Variants in MARK1 observed in about 807,000 individuals in gnomAD.
MARK1 encodes serine/threonine-protein kinase MARK1.
In MARK1, 40 loss-of-function variants were observed where a neutral mutation model predicts 96.3. The ratio of observed to expected loss-of-function variants is 0.42; its 90% CI spans 0.32 to 0.54. The LOEUF (loss-of-function observed/expected upper bound fraction) is 0.54. Among genes scored for constraint, MARK1 ranks in the 20% least tolerant of loss-of-function variants. The probability of loss-of-function intolerance (pLI) is 0.16; values close to 1 mark genes in which losing one functional copy is unlikely to be tolerated. For missense variants in MARK1, 719 were observed against 984.6 expected (o/e 0.73, Z 3.61); for synonymous variants, 317 against 341.2 (o/e 0.93, Z 0.78).
chr1:220,566,586 G>T (rs539796348), intron 1 of MARK1, among the ~76,000 whole-genome samples: 3 of 152,240 alleles, frequency 2.0e-5, no homozygotes, highest in South Asian at 4.1e-4. Context: ...TGCTTGCCAG[G>T]ATCAGTAAAT....
chr1:220,596,489 AAAGTTGT>A (rs1428313471), intron 3 of MARK1, among the ~76,000 whole-genome samples: 1 of 152,192 alleles, frequency 6.6e-6, no homozygotes, highest in African/African-American at 2.4e-5. Flanking sequence ...TTTAATTATT[AAAGTTGT>A]AAGTATCATG....
rs1189111327 is a variant in MARK1, at chr1:220,618,736, T to C, written c.890T>C (p.Ile297Thr). ...LLKKLLVLNPIKRGSLEQIMK... is the reference protein window; with the variant it reads ...LLKKLLVLNPTKRGSLEQIMK... ...AAGAAATTATTAGTCCTGAATCCAA[T>C]AAAGAGAGGCAGCTTGGAAGTAAGT... The change falls in exon 9 of 18, where the codon ATA (isoleucine) becomes ACA (threonine). Residue 297 changes from isoleucine (I) to threonine (T), a missense_variant. Coordinates refer to ENST00000366917, the MANE Select transcript of MARK1 (RefSeq NM_018650.5). The surrounding 1 kb of genome is among the most constrained non-coding windows in gnomAD (Gnocchi z 4.6). 6.3e-7 allele frequency: 1 copy of C among 1,598,672 alleles called. No individual in the cohort carries two copies. The highest frequency in any genetic ancestry group is 1.8e-5 in the Admixed American group (1 of 55,856).
rs112575325 is a variant in MARK1, at chr1:220,546,967, G to A, written c.51+18094G>A. On this transcript the variant is annotated intron_variant, in intron 1 of 17. Transcript: ENST00000366917. The stretch of plus-strand genomic sequence containing the variant: ...AGCCTGGGCAACAGAGTGAGACTCC[G>A]TCTCCAAAAAAAAAAAAAAAGAAAA... 4.3e-3 allele frequency among the ~76,000 whole-genome samples: 321 copies of A among 74,570 alleles called. 3 individuals carry two copies. The highest frequency in any genetic ancestry group is 0.013 in the African/African-American group (298 of 23,726). The allele number at this position is 74,570 out of a possible 152,430, so 48.9% of individuals were successfully genotyped here. A position where few individuals can be genotyped will look rare whatever the true frequency, so the allele number is the denominator to read the frequency against.
chr1:220,613,664 T>C (rs925386978), intron 6 of MARK1, among the ~76,000 whole-genome samples: 1 of 152,218 alleles, frequency 6.6e-6, no homozygotes, highest in Non-Finnish European at 1.5e-5. Context: ...TAAATGTATG[T>C]ATCTTTTGGC....
chr1:220,565,164 T>TTA lies in MARK1; in HGVS notation c.52-14189_52-14188dup, dbSNP rs759657421. Among the ~76,000 whole-genome samples the TTA allele has an allele frequency of 6.6e-5, 10 of 152,296 alleles. 1 individual carries two copies. In the South Asian group the frequency reaches 1.5e-3, roughly 22 times the overall value. On this transcript the variant is annotated intron_variant, in intron 1 of 17. Transcript: ENST00000366917. ...GTAGATGTGAAAAATGAGCAGAGCT[T>TTA]TAGGGGAAAATAAGTATATTTTAAT...
intron 7 of MARK1, among the ~76,000 whole-genome samples, chr1:220,617,893 C>T (rs1399617793): frequency 6.6e-6 from 1 of 152,092 alleles, no homozygotes; most frequent in Admixed American, 6.5e-5. Flanking sequence ...ACCAACAATA[C>T]CCTATTAAAA....
chr1:220,626,469 C>T (rs1667341452), intron 9 of MARK1: 2 of 538,918 alleles, frequency 3.7e-6, no homozygotes, highest in Non-Finnish European at 7.5e-6. Flanking sequence ...GTTCAGTGCT[C>T]TTACAGTGTG....
intron 2 of MARK1, among the ~76,000 whole-genome samples, chr1:220,580,052 T>G (rs955483530): frequency 6.6e-6 from 1 of 152,184 alleles, no homozygotes; most frequent in African/African-American, 2.4e-5. Context: ...ATTTATATAG[T>G]AAGAATTTAT....
At position 220,632,303 on chromosome 1, in the gene MARK1, A is replaced by G. The variant is rs752891783; in HGVS notation, c.1112A>G (p.Lys371Arg). The G allele has an allele frequency of 1.3e-6, 2 of 1,482,098 alleles. No individual in the cohort carries two copies. The highest frequency in any genetic ancestry group is 1.4e-5 in the African/African-American group (1 of 69,856). 91.8% of individuals were successfully genotyped at this position (1,482,098 alleles called of 1,614,324 possible). ...VMATYILLGR[K>R]PPEFEGGESL... is the part of the protein sequence containing the mutation. The stretch of plus-strand genomic sequence containing the variant: ...GCTACTTATATTCTTCTAGGTAGAA[A>G]ACCACCTGAAGTAAGTTTTTCACCT... Residue 371 changes from lysine (K) to arginine (R), a missense_variant, in exon 11 of 18, where the codon AAA (lysine) becomes AGA (arginine). Around this residue, in one of 4 missense-constraint regions of MARK1, gnomAD observed 501 missense variants for 588.3 expected, o/e 0.85. Coordinates refer to ENST00000366917, the MANE Select transcript of MARK1 (RefSeq NM_018650.5).
At chr1:220,610,107 T>C (rs1051122525) in intron 6 of MARK1, among the ~76,000 whole-genome samples, 1 of 152,208 alleles carries the variant, frequency 6.6e-6, no homozygotes, top group Non-Finnish European at 1.5e-5. Flanking sequence ...CCTTGCTAGG[T>C]TGGGGAAGTT....
chr1:220,552,709 A>G (rs1457561099), intron 1 of MARK1, among the ~76,000 whole-genome samples: 1 of 152,224 alleles, frequency 6.6e-6, no homozygotes, highest in East Asian at 1.9e-4. Flanking sequence ...CATTGTGGAC[A>G]GAGAAGACAA....
intron 1 of MARK1, among the ~76,000 whole-genome samples, chr1:220,545,865 GT>G (rs1175685343): frequency 6.6e-6 from 1 of 152,186 alleles, no homozygotes; most frequent in African/African-American, 2.4e-5. Flanking sequence ...GCTGCTCAGA[GT>G]CCTGTTCTCT....
intron 9 of MARK1, chr1:220,627,528 C>A (rs3767323): frequency 0.62 from 229,347 of 372,132 alleles, 72,692 homozygotes; most frequent in Non-Finnish European, 0.68. Flanking sequence ...CTTTCTATTT[C>A]TCTGTGTATT....
chr1:220,593,579 A>G (rs933754368), intron 3 of MARK1, among the ~76,000 whole-genome samples: 5 of 152,154 alleles, frequency 3.3e-5, no homozygotes, highest in African/African-American at 4.8e-5. Flanking sequence ...ATCCTCTGCA[A>G]ATCTAACCCA....
chr1:220,568,353 G>A (rs918864759), intron 1 of MARK1, among the ~76,000 whole-genome samples: 3 of 152,124 alleles, frequency 2.0e-5, no homozygotes, highest in Non-Finnish European at 4.4e-5. Context: ...AGAGAAGAAT[G>A]TTCTAGGCAG....
chr1:220,563,658 C>G (rs146736401), intron 1 of MARK1, among the ~76,000 whole-genome samples: 2,359 of 152,200 alleles, frequency 0.015, 34 homozygotes, highest in Middle Eastern at 0.044. Context: ...TGAAAATTGA[C>G]CATAGCCCTT....
intron 6 of MARK1, among the ~76,000 whole-genome samples, chr1:220,615,150 T>C (rs1666666359): frequency 6.6e-6 from 1 of 152,168 alleles, no homozygotes; most frequent in Admixed American, 6.5e-5. Flanking sequence ...GTATTTTATG[T>C]AATAAAGAAC....
chr1:220,627,872 A>G (rs1029048522), intron 9 of MARK1: 1 of 153,046 alleles, frequency 6.5e-6, no homozygotes, highest in African/African-American at 2.4e-5. Context: ...AGCCATTTTT[A>G]GATTGGCTCT....
intron 5 of MARK1, among the ~76,000 whole-genome samples, chr1:220,600,905 T>A (rs1301379186): frequency 6.6e-6 from 1 of 151,342 alleles, no homozygotes; most frequent in South Asian, 2.1e-4. Flanking sequence ...TTTTTTTTTT[T>A]ATTTTGAGAC....
Sources: gnomAD v4.1 joint callset for allele counts (sites outside exome capture counted in the v4.1 genomes callset) on GRCh38, gnomAD v4.1.1 for gene constraint, gnomAD v4.1.1 regional missense constraint, Gnocchi (gnomAD v3.1) non-coding constraint, MANE v1.5 for transcripts, NCBI Gene and HGNC (gene_info 2026-07-23, HGNC 2026-07-21) for gene names.